Variants in CACNA1B observed in about 807,000 individuals in gnomAD.
The protein encoded by CACNA1B is calcium voltage-gated channel subunit alpha1 B.
A neutral mutation model predicts 247.2 loss-of-function variants in CACNA1B; 70 were observed. The observed-to-expected ratio is 0.28, with a 90% CI of 0.23 to 0.35. The LOEUF is 0.35. Ranked by LOEUF, CACNA1B falls within the 10% of genes least tolerant of loss-of-function variation. The pLI is 1.00. For synonymous variants in CACNA1B, 1,231 were observed against 1,294.4 expected (o/e 0.95, Z 1.05); for missense variants, 2,367 against 3,197.4 (o/e 0.74, Z 6.26).
chr9:137,977,928 G>GGTGGGA (rs1210258708), intron 12 of CACNA1B, among the ~76,000 whole-genome samples: 1 of 150,956 alleles, frequency 6.6e-6, no homozygotes, highest in Non-Finnish European at 1.5e-5. Context: ...AGGAGTGACA[G>GGTGGGA]GTGGGAGCAC....
At chr9:137,921,858 TTGGAGAA>T in intron 6 of CACNA1B, among the ~76,000 whole-genome samples, 4 of 140,672 alleles carry the variant, frequency 2.8e-5, no homozygotes, top group Admixed American at 7.1e-5. Context: ...AGTAAAGTGT[TTGGAGAA>T]CATGATCAGC....
At chr9:138,090,949 G>A (rs1960859334) in intron 36 of CACNA1B, among the ~76,000 whole-genome samples, 1 of 151,952 alleles carries the variant, frequency 6.6e-6, no homozygotes, top group South Asian at 2.1e-4. Context: ...GGAGAGAAAG[G>A]AGAACTCTTA....
At chr9:138,038,610 T>TG (rs1959076282) in intron 20 of CACNA1B, among the ~76,000 whole-genome samples, 3 of 152,192 alleles carry the variant, frequency 2.0e-5, no homozygotes, top group African/African-American at 7.2e-5. Context: ...CTTCAGTCAG[T>TG]ACAACCTTCT....
intron 37 of CACNA1B, among the ~76,000 whole-genome samples, chr9:138,099,801 T>C (rs754963785): frequency 9.9e-5 from 15 of 152,272 alleles, no homozygotes; most frequent in Non-Finnish European, 1.8e-4. Context: ...GTGCTGCTTT[T>C]CCCAGCCTTC....
At chr9:137,910,771 G>A (rs899764413) in intron 3 of CACNA1B, among the ~76,000 whole-genome samples, 9 of 152,138 alleles carry the variant, frequency 5.9e-5, no homozygotes, top group African/African-American at 1.9e-4. Context: ...ATGCTCGTTC[G>A]CCTGCCGCCA....
At chr9:137,947,300 G>A (rs76700486) in intron 6 of CACNA1B, among the ~76,000 whole-genome samples, 1,877 of 152,256 alleles carry the variant, frequency 0.012, 42 homozygotes, top group African/African-American at 0.042. Context: ...CACAGTGGAA[G>A]GGGGGTGGGC....
rs1008626970 is a variant in CACNA1B at position 137,915,518 on chromosome 9, G to A, written c.775+712G>A. Among the ~76,000 whole-genome samples, 3 of 152,062 alleles carry A rather than the reference G, an allele frequency of 2.0e-5. No homozygotes were observed. In the East Asian group the frequency reaches 5.8e-4, roughly 29 times the overall value. ...AGGATGAAGCTAAGGTTTGTGGCTT[G>A]AACTACAAACTTAGTAAAGGAGAAA... is the stretch of plus-strand genomic sequence containing the variant. On this transcript the variant is annotated intron_variant, in intron 5 of 46. Coordinates refer to ENST00000371372, the MANE Select transcript of CACNA1B (RefSeq NM_000718.4).
At chr9:138,108,904 C>T (rs1024056880) in intron 39 of CACNA1B, among the ~76,000 whole-genome samples, 1 of 152,180 alleles carries the variant, frequency 6.6e-6, no homozygotes, top group African/African-American at 2.4e-5. Flanking sequence ...CCGTCTCAGC[C>T]TCCTCCCAAA....
chr9:138,121,386 T>G lies in CACNA1B; in HGVS notation c.6490-83T>G. 1 of 1,090,396 alleles carries G rather than the reference T, an allele frequency of 9.2e-7. No homozygotes were observed. Among genetic ancestry groups the G allele is most frequent in the South Asian group, 1.7e-5 (1 of 58,500 alleles). 67.5% of individuals were successfully genotyped at this position (1,090,396 alleles called of 1,614,324 possible). ...CTCTCCTCCCATCCCCCCAGGCACC[T>G]GTGTGTGATGTGCTCTGTCTGTTGG... On this transcript the variant is annotated intron_variant, in intron 46 of 46. Coordinates refer to ENST00000371372, the MANE Select transcript of CACNA1B (RefSeq NM_000718.4). This position sits in a 1 kb window ranked among gnomAD's most constrained non-coding sequence, Gnocchi z 6.8.
rs1172030602 is a variant in CACNA1B at position 138,086,199 on chromosome 9, A to AT, written c.5094+7947dup. On this transcript the variant is annotated intron_variant, in intron 36 of 46. Transcript: ENST00000371372. ...TAAAGTATATAAACTGGCTGAATAG[A>AT]TTTTTTAAATGACCCAACTATATAC... 2.0e-5 allele frequency among the ~76,000 whole-genome samples: 3 copies of AT among 151,344 alleles called. 1 individual carries two copies. Among genetic ancestry groups the AT allele is most frequent in the African/African-American group, 7.3e-5 (3 of 41,004 alleles).
intron 10 of CACNA1B, among the ~76,000 whole-genome samples, chr9:137,967,427 G>A (rs560390375): frequency 1.3e-5 from 2 of 152,238 alleles, no homozygotes; most frequent in Admixed American, 1.3e-4. Flanking sequence ...ATGCCCAGGG[G>A]CCCTCAGCTA....
At chr9:137,932,595 T>A (rs977614195) in intron 6 of CACNA1B, among the ~76,000 whole-genome samples, 3 of 152,234 alleles carry the variant, frequency 2.0e-5, no homozygotes, top group Admixed American at 6.5e-5. Flanking sequence ...CCAGCAGTTC[T>A]CTTTTCCCAG....
In CACNA1B at chr9:137,978,089, TC is replaced by T. The variant is rs138926383; in HGVS notation, c.1656+2075del. ...GGAGTGACAGGTGGGAGCACTGCCC[TC>T]CCCCAGGAAGGAGTGATGGGAGCAC... is the stretch of plus-strand genomic sequence containing the variant. On this transcript the variant is annotated intron_variant, in intron 12 of 46. Coordinates refer to ENST00000371372, the MANE Select transcript of CACNA1B (RefSeq NM_000718.4). Among the ~76,000 whole-genome samples, 804 of 59,774 alleles carry T rather than the reference TC, an allele frequency of 0.013. 47 individuals are homozygous for T. In the East Asian group the frequency reaches 0.21, roughly 16 times the overall value. 39.2% of individuals were successfully genotyped at this position (59,774 alleles called of 152,430 possible). A position where few individuals can be genotyped will look rare whatever the true frequency, so the allele number is the denominator to read the frequency against.
intron 18 of CACNA1B, among the ~76,000 whole-genome samples, chr9:138,021,460 G>A (rs1958844166): frequency 6.6e-6 from 1 of 152,262 alleles, no homozygotes; most frequent in African/African-American, 2.4e-5. Context: ...CCTGGGGTGG[G>A]CCGGCTGCAG....
intron 3 of CACNA1B, among the ~76,000 whole-genome samples, chr9:137,905,483 T>C (rs1489215511): frequency 6.6e-6 from 1 of 152,354 alleles, no homozygotes; most frequent in Admixed American, 6.5e-5. Flanking sequence ...AAGTTAGACA[T>C]TTAAAATTTT....
chr9:138,032,064 A>G (rs1958993746), intron 20 of CACNA1B, among the ~76,000 whole-genome samples: 1 of 151,530 alleles, frequency 6.6e-6, no homozygotes, highest in Non-Finnish European at 1.5e-5. Context: ...TCTGTTTTTC[A>G]TTTCTCTGGT....
intron 32 of CACNA1B, among the ~76,000 whole-genome samples, chr9:138,070,069 T>G (rs902203466): frequency 2.6e-5 from 4 of 152,200 alleles, no homozygotes; most frequent in African/African-American, 9.7e-5. Flanking sequence ...GGGTAGTTTT[T>G]CCTGTTGGGA....
chr9:137,925,235 C>T (rs1455795055), intron 6 of CACNA1B, among the ~76,000 whole-genome samples: 1 of 152,182 alleles, frequency 6.6e-6, no homozygotes, highest in Non-Finnish European at 1.5e-5. Flanking sequence ...CCTCCCTCCC[C>T]AGGTTATCTG....
chr9:137,930,087 G>A (rs577522876), intron 6 of CACNA1B, among the ~76,000 whole-genome samples: 6 of 152,214 alleles, frequency 3.9e-5, no homozygotes, highest in South Asian at 2.1e-4. Flanking sequence ...ATGAGCCACC[G>A]CATGCAGCCA....
Sources: allele counts gnomAD v4.1 joint callset (sites outside exome capture counted in the v4.1 genomes callset), GRCh38; gene constraint gnomAD v4.1.1; non-coding constraint Gnocchi (gnomAD v3.1); transcripts MANE v1.5; gene names NCBI Gene and HGNC (gene_info 2026-07-23, HGNC 2026-07-21).